ROCK2: variants seen among roughly 807,000 people sequenced by gnomAD.
The protein encoded by ROCK2 is Rho associated coiled-coil containing protein kinase 2, also known as rho-associated protein kinase 2.
ROCK2 carries 61 observed loss-of-function variants against 195.1 expected under a neutral mutation model. The observed-to-expected ratio is 0.31, with a 90% confidence interval of 0.25 to 0.39. The LOEUF (loss-of-function observed/expected upper bound fraction) is 0.39, where lower values mean the gene tolerates loss of function less well. ROCK2 is among the 10% of genes least tolerant of loss of function. The pLI is 1.00. For synonymous variants in ROCK2, 504 were observed against 545.5 expected (o/e 0.92, Z 1.06); for missense variants, 1,109 against 1,637.4 (o/e 0.68, Z 5.57).
chr2:11,301,778 CAAAAAA>C (rs70953386), intron 1 of ROCK2, among the ~76,000 whole-genome samples: 4 of 129,600 alleles, frequency 3.1e-5, no homozygotes, highest in African/African-American at 9.0e-5. Flanking sequence ...AACGCCGCCT[CAAAAAA>C]AAAAAAAAAA....
rs140716946 is a variant in ROCK2, at chr2:11,314,578, T to C, written c.142-26842A>G. 1.1e-4 allele frequency among the ~76,000 whole-genome samples: 17 copies of C among 152,104 alleles called. No homozygotes were observed. The East Asian group carries it at 3.3e-3, about 29-fold the overall frequency. On this transcript the variant is annotated intron_variant, in intron 1 of 32. Transcript: ENST00000315872. Reference sequence around the variant, plus strand: ...AACCCCAACTATACATATCCTCAAATTTGCTTTTCATAGTTCCTTTTAGAA... The same window carrying C: ...AACCCCAACTATACATATCCTCAAACTTGCTTTTCATAGTTCCTTTTAGAA...
chr2:11,310,550 C>T (rs1248966589), intron 1 of ROCK2, among the ~76,000 whole-genome samples: 1 of 152,084 alleles, frequency 6.6e-6, no homozygotes, highest in Non-Finnish European at 1.5e-5. Flanking sequence ...AGAACGGTTA[C>T]CAAATGGCAA....
chr2:11,237,905 C>A (rs1665269726), intron 4 of ROCK2, among the ~76,000 whole-genome samples: 1 of 152,224 alleles, frequency 6.6e-6, no homozygotes, highest in South Asian at 2.1e-4. Context: ...TGGCAAAACC[C>A]CCATCTCTAC....
At chr2:11,296,609 AT>A (rs1485980517) in intron 1 of ROCK2, among the ~76,000 whole-genome samples, 1 of 152,196 alleles carries the variant, frequency 6.6e-6, no homozygotes, top group African/African-American at 2.4e-5. Context: ...CACACTATGC[AT>A]TTAAAGATTA....
chr2:11,195,412 T>C (rs1363795522), intron 27 of ROCK2, among the ~76,000 whole-genome samples: 1 of 152,128 alleles, frequency 6.6e-6, no homozygotes, highest in African/African-American at 2.4e-5. Flanking sequence ...AGGGCCACAT[T>C]GTGCACATTT....
intron 4 of ROCK2, among the ~76,000 whole-genome samples, chr2:11,248,284 A>G (rs529513007): frequency 6.6e-6 from 1 of 152,174 alleles, no homozygotes; most frequent in East Asian, 1.9e-4. Flanking sequence ...CAGATCATTT[A>G]AGCATTCTGA....
rs1664354505 is a variant in ROCK2, at chr2:11,214,417, T to G, written c.1983A>C (p.Leu661Phe). 1.9e-6 allele frequency: 3 copies of G among 1,611,378 alleles called. No individual in the cohort carries two copies. The highest frequency in any genetic ancestry group is 1.3e-5 in the African/African-American group (1 of 74,866). The change falls in exon 17 of 33, where the codon TTA becomes TTC. Residue 661 changes from leucine (L) to phenylalanine (F), a missense_variant. Coordinates refer to ENST00000315872, the MANE Select transcript of ROCK2 (RefSeq NM_004850.5). ...LEEDLKNGKI[L>F]LAKVELEKRQ... ...TCTTCTCCAGTTCTACTTTCGCTAG[T>G]AAGATTTTGCCGTTCTTTAAATCTT...
chr2:11,221,431 ATTAT>A (rs1309717529), intron 8 of ROCK2, 74 bp from the exon 9 acceptor site: 10 of 1,004,266 alleles, frequency 1.0e-5, no homozygotes, highest in Admixed American at 7.0e-5. Context: ...ATTATGATGT[ATTAT>A]TTATTATTTA....
chr2:11,297,049 T>A (rs1183291389), intron 1 of ROCK2, among the ~76,000 whole-genome samples: 1 of 152,092 alleles, frequency 6.6e-6, no homozygotes, highest in Non-Finnish European at 1.5e-5. Context: ...TTATTTATAA[T>A]AGCAAGAAAC....
intron 6 of ROCK2, among the ~76,000 whole-genome samples, chr2:11,224,720 G>GTT (rs61186205): frequency 1.4e-5 from 2 of 141,886 alleles, no homozygotes; most frequent in African/African-American, 5.1e-5. Context: ...AATTTGTTGA[G>GTT]TTTTTTTTTT....
intron 1 of ROCK2, among the ~76,000 whole-genome samples, chr2:11,336,074 A>G (rs1057196017): frequency 3.3e-5 from 5 of 152,246 alleles, no homozygotes; most frequent in African/African-American, 9.6e-5. Context: ...GAGATTGTAG[A>G]TAAGTGCTAT....
intron 3 of ROCK2, among the ~76,000 whole-genome samples, chr2:11,284,439 A>G (rs1231046635): frequency 6.6e-6 from 1 of 152,178 alleles, no homozygotes; most frequent in African/African-American, 2.4e-5. Flanking sequence ...AGTTGTAACA[A>G]ATGTACTCTA....
Position 11,217,134 on chromosome 2 carries a change from A to G in ROCK2, c.1368T>C (p.Leu456=), listed in dbSNP as rs750575226. 2 of 1,576,386 alleles carry G rather than the reference A, an allele frequency of 1.3e-6. No individual in the cohort carries two copies. The highest frequency in any genetic ancestry group is 1.7e-5 in the Admixed American group (1 of 59,890). ...QKKLYTLEEH[L]SNEMQAKEEL... is the part of the protein sequence containing the mutation. ...CCTCTTTGGCTTGCATCTCATTGCT[A>G]AGATGTTCTTCTAATGTATACAGTT... The change falls in exon 12 of 33, where the codon CTT becomes CTC. Residue 456 remains leucine (L), a synonymous_variant. Transcript: ENST00000315872.
rs762297001 is a variant in ROCK2 at position 11,211,786 on chromosome 2, T to C, written c.2098A>G (p.Ser700Gly). The change falls in exon 18 of 33, where the codon AGC becomes GGC. Residue 700 changes from serine (S) to glycine (G), a missense_variant. By Grantham distance (56) the Ser-to-Gly change is moderately conservative. Transcript: ENST00000315872. The stretch of plus-strand genomic sequence containing the variant: ...TGTTCAGCTTCTTCTTGTTCTAGGC[T>C]CTGCTGTATAACTTTTAGTTGGTAT... The part of the protein sequence containing the change: ...MTYQLKVIQQ[S>G]LEQEEAEHKA... 1.9e-6 allele frequency: 3 copies of C among 1,612,784 alleles called. No individual in the cohort carries two copies. The South Asian group carries it at 3.3e-5, about 18-fold the overall frequency.
intron 1 of ROCK2, among the ~76,000 whole-genome samples, chr2:11,327,016 C>G (rs1385048790): frequency 1.3e-5 from 2 of 152,192 alleles, no homozygotes; most frequent in Non-Finnish European, 2.9e-5. Flanking sequence ...GCCCTGACAG[C>G]TCTTTCAGGG....
intron 1 of ROCK2, among the ~76,000 whole-genome samples, chr2:11,326,023 T>G (rs1415798429): frequency 1.3e-5 from 2 of 151,998 alleles, no homozygotes; most frequent in African/African-American, 4.8e-5. Context: ...TGAAGCAGAT[T>G]TGGAGCAATA....
chr2:11,298,242 G>T (rs114041013), intron 1 of ROCK2, among the ~76,000 whole-genome samples: 6,464 of 152,168 alleles, frequency 0.042, 278 homozygotes, highest in Non-Finnish European at 0.06. Flanking sequence ...GGCCGTGGCA[G>T]GCAAATTACC....
chr2:11,275,695 C>CTTTT (rs70953379), intron 3 of ROCK2, among the ~76,000 whole-genome samples: 22 of 110,204 alleles, frequency 2.0e-4, no homozygotes, highest in Non-Finnish European at 3.1e-4. Context: ...ATTCAACAAT[C>CTTTT]TTTTTTTTTT....
chr2:11,308,602 G>A, intron 1 of ROCK2: 2 of 1,485,710 alleles, frequency 1.3e-6, no homozygotes, highest in South Asian at 1.1e-5. Context: ...TTAGTGTAAA[G>A]GATCTGAATG....
Sources: gnomAD v4.1 joint callset for allele counts (sites outside exome capture counted in the v4.1 genomes callset) on GRCh38, gnomAD v4.1.1 for gene constraint, MANE v1.5 for transcripts, NCBI Gene and HGNC (gene_info 2026-07-23, HGNC 2026-07-21) for gene names.